Variants in ZBTB38 observed in about 807,000 individuals in gnomAD.
ZBTB38 encodes zinc finger and BTB domain containing 38.
Under a neutral mutation model 76.8 loss-of-function variants are expected in ZBTB38, and 20 were observed. The observed-to-expected ratio is 0.26, with a 90% CI of 0.18 to 0.38. ZBTB38 has a LOEUF of 0.38. Among genes scored for constraint, ZBTB38 ranks in the 10% least tolerant of loss-of-function variants. The probability of loss-of-function intolerance (pLI) is 1.00; values close to 1 mark genes in which losing one functional copy is unlikely to be tolerated. For missense variants in ZBTB38, 1,082 were observed against 1,482.3 expected (o/e 0.73, Z 4.43); for synonymous variants, 504 against 544.2 (o/e 0.93, Z 1.03).
intron 3 of ZBTB38, chr3:141,385,922 C>G (rs1170886702): frequency 6.6e-6 from 1 of 152,114 alleles, no homozygotes; most frequent in African/African-American, 2.4e-5. Context: ...AAACATTTCA[C>G]TCATAAAACG....
chr3:141,448,916 G>A lies in ZBTB38; in HGVS notation c.*2940G>A, dbSNP rs1031238286. ...GAGATTGAAGTCTTCTGATGATTGA[G>A]TGTTTTGGATAGGCCTGATCTTATA... On this transcript the variant is annotated 3_prime_UTR_variant, in exon 6 of 6. Transcript: ENST00000321464. 2.6e-5 allele frequency: 4 copies of A among 152,192 alleles called. No homozygotes were observed. The highest frequency in any genetic ancestry group is 9.6e-5 in the African/African-American group (4 of 41,456). The allele number at this position is 152,192 out of a possible 1,614,324, so 9.4% of individuals were successfully genotyped here.
rs1417082575 is a variant in ZBTB38, at chr3:141,413,041, G to A, written c.-1+9010G>A. Among the ~76,000 whole-genome samples the A allele has an allele frequency of 4.6e-5, 7 of 152,218 alleles. No homozygotes were observed. Among genetic ancestry groups the A allele is most frequent in the African/African-American group, 9.6e-5 (4 of 41,454 alleles). ...CAGGCCTGGCCTCCCTCCAGAGGTC[G>A]TAGTGTTGCCAGCAGTGGCTTCAAA... On this transcript the variant is annotated intron_variant, in intron 5 of 5. Coordinates refer to ENST00000321464, the MANE Select transcript of ZBTB38 (RefSeq NM_001376113.1). This position sits in a 1 kb window ranked among gnomAD's most constrained non-coding sequence, Gnocchi z 4.1.
chr3:141,334,848 T>G (rs9829470), intron 1 of ZBTB38, among the ~76,000 whole-genome samples: 40,822 of 152,116 alleles, frequency 0.27, 5,905 homozygotes, highest in Non-Finnish European at 0.31. Flanking sequence ...TGCATAAAAT[T>G]AAAACACCTG....
At chr3:141,382,939 G>C (rs80060248) in intron 3 of ZBTB38, among the ~76,000 whole-genome samples, 3,577 of 152,316 alleles carry the variant, frequency 0.023, 67 homozygotes, top group East Asian at 0.056. Context: ...GAAAGACGTA[G>C]ACTTTGCAAT....
intron 1 of ZBTB38, among the ~76,000 whole-genome samples, chr3:141,328,123 G>A (rs574473720): frequency 4.0e-4 from 61 of 152,262 alleles, no homozygotes; most frequent in African/African-American, 1.4e-3. Context: ...TTCGCACGCC[G>A]CTGCACAGAA....
At chr3:141,404,529 C>T (rs1028168773) in intron 5 of ZBTB38, among the ~76,000 whole-genome samples, 5 of 152,098 alleles carry the variant, frequency 3.3e-5, no homozygotes, top group African/African-American at 9.7e-5. Context: ...TTGCAGCTGT[C>T]GCAGACAAAT....
At chr3:141,340,954 G>C (rs1943168288) in intron 1 of ZBTB38, among the ~76,000 whole-genome samples, 1 of 53,470 alleles carries the variant, frequency 1.9e-5, no homozygotes, top group Non-Finnish European at 3.4e-5. Context: ...AAGAAGGAAA[G>C]AAAGAAAGAA....
chr3:141,380,141 GAC>G (rs1262109543), intron 2 of ZBTB38, among the ~76,000 whole-genome samples: 4 of 152,166 alleles, frequency 2.6e-5, no homozygotes, highest in African/African-American at 9.7e-5. Flanking sequence ...ATGTAAATAT[GAC>G]ACTTACTCTC....
upstream of ZBTB38, among the ~76,000 whole-genome samples, chr3:141,365,412 G>GGAC (rs2148969481): frequency 6.6e-6 from 1 of 152,186 alleles, no homozygotes; most frequent in Non-Finnish European, 1.5e-5. Context: ...AGGTGACACA[G>GGAC]GACATTACAT....
Position 141,446,151 on chromosome 3 carries a change from C to A in ZBTB38, c.*175C>A. The A allele has an allele frequency of 1.7e-6, 1 of 573,770 alleles. No homozygotes were observed. The highest frequency in any genetic ancestry group is 2.7e-6 in the Non-Finnish European group (1 of 366,030). The allele number at this position is 573,770 out of a possible 1,614,324, so 35.5% of individuals were successfully genotyped here. A position where few individuals can be genotyped will look rare whatever the true frequency, so the allele number is the denominator to read the frequency against. ...TCCTAATATCTACTTTGGGTTTTAGCATTAACTTTATGCAAAGTGCACAAA... is the reference window on the plus strand; with the variant it reads ...TCCTAATATCTACTTTGGGTTTTAGAATTAACTTTATGCAAAGTGCACAAA... On this transcript the variant is annotated 3_prime_UTR_variant, in exon 6 of 6. Transcript: ENST00000321464.
At chr3:141,393,118 G>C (rs1949371052) in intron 4 of ZBTB38, among the ~76,000 whole-genome samples, 1 of 152,164 alleles carries the variant, frequency 6.6e-6, no homozygotes, top group Non-Finnish European at 1.5e-5. Flanking sequence ...TTTGAAAATT[G>C]CCAGTGTAAA....
intron 5 of ZBTB38, among the ~76,000 whole-genome samples, chr3:141,410,626 G>A (rs1201343303): frequency 6.6e-6 from 1 of 152,170 alleles, no homozygotes; most frequent in Non-Finnish European, 1.5e-5. Context: ...GCAGACACAC[G>A]CAGTAGGACA....
At chr3:141,434,403 G>A (rs890702814) in intron 5 of ZBTB38, among the ~76,000 whole-genome samples, 4 of 151,666 alleles carry the variant, frequency 2.6e-5, no homozygotes, top group Non-Finnish European at 4.4e-5. Flanking sequence ...CTGGGGGGGC[G>A]GGGGGAGTAT....
intron 4 of ZBTB38, among the ~76,000 whole-genome samples, chr3:141,401,737 G>A (rs2149553446): frequency 1.3e-5 from 2 of 152,186 alleles, no homozygotes; most frequent in South Asian, 4.1e-4. Context: ...CCAGCTTGTG[G>A]CAGGCCCTCT....
intron 2 of ZBTB38, among the ~76,000 whole-genome samples, chr3:141,374,791 G>GT (rs1444601666): frequency 6.6e-6 from 1 of 152,028 alleles, no homozygotes; most frequent in Non-Finnish European, 1.5e-5. Context: ...TAATGTATCA[G>GT]TTTTTTGTTG....
chr3:141,423,450 G>GT (rs2075806890), intron 5 of ZBTB38, among the ~76,000 whole-genome samples: 1 of 152,086 alleles, frequency 6.6e-6, no homozygotes, highest in Non-Finnish European at 1.5e-5. Context: ...CCACTTTATA[G>GT]TTTTTTTAAA....
In ZBTB38 at chr3:141,443,213, G is replaced by C. The variant is rs776415870; in HGVS notation, c.825G>C (p.Ser275=). The change falls in exon 6 of 6, where the codon TCG becomes TCC. Residue 275 remains serine (S), a synonymous_variant. Coordinates refer to ENST00000321464, the MANE Select transcript of ZBTB38 (RefSeq NM_001376113.1). The surrounding 1 kb of genome is among the most constrained non-coding windows in gnomAD (Gnocchi z 5.6). ...AGACATTCTCCATACCACAGGATTC[G>C]GATTCAGCCACAGAAAATATACCAC... ...KPKTFSIPQD[S]DSATENIPPP... 1.9e-6 allele frequency: 3 copies of C among 1,614,170 alleles called. No individual in the cohort carries two copies. The Admixed American group carries it at 5.0e-5, about 27-fold the overall frequency.
At chr3:141,363,124 C>T (rs906952235) in intron 1 of ZBTB38, among the ~76,000 whole-genome samples, 9 of 151,952 alleles carry the variant, frequency 5.9e-5, no homozygotes, top group African/African-American at 2.2e-4. Flanking sequence ...CTCTTAAGTC[C>T]GTGAGCATAG....
chr3:141,367,516 TC>T (rs1273662117), upstream of ZBTB38: 1 of 152,272 alleles, frequency 6.6e-6, no homozygotes, highest in African/African-American at 2.4e-5. Context: ...TCAAGTCCCA[TC>T]TTTGTCTCTT....
Sources: allele counts gnomAD v4.1 joint callset (sites outside exome capture counted in the v4.1 genomes callset), GRCh38; gene constraint gnomAD v4.1.1; non-coding constraint Gnocchi (gnomAD v3.1); transcripts MANE v1.5; gene names NCBI Gene and HGNC (gene_info 2026-07-23, HGNC 2026-07-21).